Variants in SPAG16 observed in about 807,000 individuals in gnomAD.
SPAG16 encodes sperm associated antigen 16, also known as sperm-associated antigen 16 protein.
SPAG16 carries 86 observed loss-of-function variants against 80.4 expected under a neutral mutation model. The observed-to-expected ratio is 1.07, with a 90% CI of 0.90 to 1.28. The LOEUF (loss-of-function observed/expected upper bound fraction) is 1.28, where lower values mean the gene tolerates loss of function less well. SPAG16 is among the 50% of genes most tolerant of loss of function. SPAG16 has a pLI of 0.00. For synonymous variants in SPAG16, 294 were observed against 265.9 expected, an observed-to-expected ratio of 1.11 and a Z score of -1.03; for missense variants, 870 against 765.3, an observed-to-expected ratio of 1.14 and a Z score of -1.61.
intron 15 of SPAG16, among the ~76,000 whole-genome samples, chr2:214,368,431 A>G (rs1699616793): frequency 6.6e-6 from 1 of 152,104 alleles, no homozygotes. Context: ...CCAATAGGTC[A>G]TTTTCACAAG....
At chr2:214,246,743 T>C (rs753868555) in intron 15 of SPAG16, among the ~76,000 whole-genome samples, 16 of 152,114 alleles carry the variant, frequency 1.1e-4, no homozygotes, top group Non-Finnish European at 2.2e-4. Context: ...CTTTGGGGAA[T>C]GTTAAATATA....
At chr2:213,534,277 C>A (rs1306523368) in intron 10 of SPAG16, among the ~76,000 whole-genome samples, 3 of 151,766 alleles carry the variant, frequency 2.0e-5, no homozygotes, top group Non-Finnish European at 2.9e-5. Context: ...TATATATATA[C>A]TGTAATTTAA....
intron 7 of SPAG16, among the ~76,000 whole-genome samples, chr2:213,360,227 C>A (rs1407073882): frequency 1.3e-5 from 2 of 152,148 alleles, no homozygotes; most frequent in Non-Finnish European, 2.9e-5. Context: ...GTGGCAGCCA[C>A]CATTCTCAGG....
intron 3 of SPAG16, among the ~76,000 whole-genome samples, chr2:213,300,638 C>CT (rs1559385521): frequency 6.6e-6 from 1 of 152,024 alleles, no homozygotes; most frequent in African/African-American, 2.4e-5. Flanking sequence ...CTCATTAGTT[C>CT]TTTTTCTGTT....
At position 213,889,303 on chromosome 2, in the gene SPAG16, T is replaced by C. The variant is rs190491173; in HGVS notation, c.1214+26675T>C. Among the ~76,000 whole-genome samples, 293 of 152,074 alleles carry C rather than the reference T, an allele frequency of 1.9e-3. 1 individual carries two copies. The highest frequency in any genetic ancestry group is 6.8e-3 in the African/African-American group (282 of 41,556). ...CATCTAAAAGATACCTAAATTTTGATGTAAAAATGTTCTCAATATATTTTA... is the reference window on the plus strand; with the variant it reads ...CATCTAAAAGATACCTAAATTTTGACGTAAAAATGTTCTCAATATATTTTA... On this transcript the variant is annotated intron_variant, in intron 11 of 15. Coordinates refer to ENST00000331683, the MANE Select transcript of SPAG16 (RefSeq NM_024532.5).
At chr2:214,103,279 T>A (rs1371864830) in intron 13 of SPAG16, among the ~76,000 whole-genome samples, 1 of 152,144 alleles carries the variant, frequency 6.6e-6, no homozygotes, top group Non-Finnish European at 1.5e-5. Context: ...GGCAATATTG[T>A]GGAACCATCA....
intron 10 of SPAG16, among the ~76,000 whole-genome samples, chr2:213,741,594 A>T (rs1270038300): frequency 6.6e-6 from 1 of 152,166 alleles, no homozygotes; most frequent in African/African-American, 2.4e-5. Context: ...AGAGATTATA[A>T]TGTTGATTTC....
At chr2:214,194,927 TA>T (rs1344713598) in intron 15 of SPAG16, among the ~76,000 whole-genome samples, 1 of 152,088 alleles carries the variant, frequency 6.6e-6, no homozygotes, top group African/African-American at 2.4e-5. Flanking sequence ...GCCATTGTGT[TA>T]AACTCTGGGG....
intron 10 of SPAG16, among the ~76,000 whole-genome samples, chr2:213,511,320 G>A (rs1384274214): frequency 2.0e-5 from 3 of 151,986 alleles, no homozygotes; most frequent in African/African-American, 7.2e-5. Flanking sequence ...TAAAATATCA[G>A]TGAAAAAACT....
intron 10 of SPAG16, among the ~76,000 whole-genome samples, chr2:213,574,976 A>T (rs951918656): frequency 5.3e-5 from 8 of 152,204 alleles, no homozygotes; most frequent in African/African-American, 1.7e-4. Context: ...CATAACCATT[A>T]TCCGTTATTT....
At chr2:213,825,007 A>AT (rs988985731) in intron 10 of SPAG16, among the ~76,000 whole-genome samples, 29 of 149,506 alleles carry the variant, frequency 1.9e-4, no homozygotes, top group African/African-American at 4.9e-4. Context: ...TACTTTCTTG[A>AT]TTTTTTTTTC....
chr2:214,327,612 G>A (rs1279808844), intron 15 of SPAG16, among the ~76,000 whole-genome samples: 1 of 151,952 alleles, frequency 6.6e-6, no homozygotes, highest in African/African-American at 2.4e-5. Flanking sequence ...GTCATCTCAG[G>A]GCAATAGTAT....
At chr2:214,154,894 A>G (rs941558363) in intron 15 of SPAG16, among the ~76,000 whole-genome samples, 1 of 152,196 alleles carries the variant, frequency 6.6e-6, no homozygotes, top group Non-Finnish European at 1.5e-5. Flanking sequence ...GTATGTACAT[A>G]TATGAAACAA....
intron 12 of SPAG16, among the ~76,000 whole-genome samples, chr2:214,007,022 T>C (rs905830328): frequency 1.4e-4 from 22 of 152,194 alleles, no homozygotes; most frequent in Non-Finnish European, 2.9e-5. Flanking sequence ...AGTCTGAATA[T>C]AAATTATGAA....
At chr2:213,529,157 G>C (rs932950207) in intron 10 of SPAG16, among the ~76,000 whole-genome samples, 8 of 152,084 alleles carry the variant, frequency 5.3e-5, no homozygotes, top group African/African-American at 1.9e-4. Context: ...TTATTTTAAG[G>C]AATAAATTTT....
intron 10 of SPAG16, among the ~76,000 whole-genome samples, chr2:213,806,626 T>C (rs1214198837): frequency 1.3e-5 from 2 of 152,170 alleles, no homozygotes; most frequent in East Asian, 3.8e-4. Context: ...TAATAATTCC[T>C]ATATCTTCCT....
intron 15 of SPAG16, among the ~76,000 whole-genome samples, chr2:214,409,094 A>G (rs1407055347): frequency 4.6e-5 from 7 of 151,762 alleles, no homozygotes; most frequent in Admixed American, 4.6e-4. Flanking sequence ...TAAATAGTTA[A>G]TGCTATTTTC....
intron 12 of SPAG16, among the ~76,000 whole-genome samples, chr2:213,980,710 G>GTATATA (rs1320481683): frequency 6.0e-5 from 7 of 117,242 alleles, no homozygotes; most frequent in African/African-American, 1.8e-4. Flanking sequence ...GTGTGTGTGT[G>GTATATA]TGTATATATA....
chr2:214,185,441 G>A (rs932309031), intron 15 of SPAG16, among the ~76,000 whole-genome samples: 4 of 151,678 alleles, frequency 2.6e-5, no homozygotes, highest in South Asian at 4.2e-4. Flanking sequence ...AAATAAATTC[G>A]CATAAATAGA....
Sources: gnomAD v4.1 joint callset for allele counts (sites outside exome capture counted in the v4.1 genomes callset) on GRCh38, gnomAD v4.1.1 for gene constraint, MANE v1.5 for transcripts, NCBI Gene and HGNC (gene_info 2026-07-23, HGNC 2026-07-21) for gene names.